Variants in GPR39 observed in about 807,000 individuals in gnomAD.
GPR39 encodes the protein G protein-coupled receptor 39.
A neutral mutation model predicts 18.4 loss-of-function variants in GPR39; 23 were observed. That is an observed-to-expected ratio of 1.25 (90% CI 0.90 to 1.77). GPR39 has a LOEUF of 1.77. Among genes scored for constraint, GPR39 ranks in the 40% most tolerant of loss-of-function variants. The pLI is 0.00. For synonymous variants in GPR39, 280 were observed against 257.9 expected, an observed-to-expected ratio of 1.09 and a Z score of -0.82; for missense variants, 647 against 602.4, an observed-to-expected ratio of 1.07 and a Z score of -0.78.
intron 1 of GPR39, among the ~76,000 whole-genome samples, chr2:132,529,599 C>T (rs2104774169): frequency 6.6e-6 from 1 of 152,334 alleles, no homozygotes; most frequent in Non-Finnish European, 1.5e-5. Flanking sequence ...TGGGAGGCAT[C>T]CCCCAGTAGG....
At chr2:132,455,587 C>T (rs529149138) in intron 1 of GPR39, among the ~76,000 whole-genome samples, 95 of 152,084 alleles carry the variant, frequency 6.2e-4, no homozygotes, top group African/African-American at 2.2e-3. Context: ...TGTCAATTTT[C>T]GATCTTTCCT....
At chr2:132,559,326 C>T (rs1680206730) in intron 1 of GPR39, among the ~76,000 whole-genome samples, 1 of 152,076 alleles carries the variant, frequency 6.6e-6, no homozygotes, top group African/African-American at 2.4e-5. Flanking sequence ...TGGGGGGTAA[C>T]ATCAGGCACA....
chr2:132,601,657 T>C (rs1304969549), intron 1 of GPR39, among the ~76,000 whole-genome samples: 1 of 152,000 alleles, frequency 6.6e-6, no homozygotes, highest in East Asian at 1.9e-4. Flanking sequence ...GACAACATGG[T>C]CTTACATATA....
intron 1 of GPR39, among the ~76,000 whole-genome samples, chr2:132,622,448 A>G (rs999382627): frequency 3.3e-5 from 5 of 152,216 alleles, no homozygotes; most frequent in South Asian, 4.1e-4. Flanking sequence ...TTCTGAGCCA[A>G]TATGAGTGAC....
At chr2:132,431,865 G>C (rs776816143) in intron 1 of GPR39, among the ~76,000 whole-genome samples, 1 of 152,200 alleles carries the variant, frequency 6.6e-6, no homozygotes, top group Non-Finnish European at 1.5e-5. Context: ...TAAAACAGTA[G>C]ACATTTATTT....
At chr2:132,552,885 T>TAC (rs58723354) in intron 1 of GPR39, among the ~76,000 whole-genome samples, 1,582 of 101,382 alleles carry the variant, frequency 0.016, 35 homozygotes, top group African/African-American at 0.069. Flanking sequence ...CATATATATA[T>TAC]ACACACATAT....
intron 1 of GPR39, among the ~76,000 whole-genome samples, chr2:132,541,777 G>A (rs1679866167): frequency 6.6e-6 from 1 of 152,214 alleles, no homozygotes; most frequent in Non-Finnish European, 1.5e-5. Context: ...CAGCAAAGTA[G>A]AGATCATAGT....
intron 1 of GPR39, among the ~76,000 whole-genome samples, chr2:132,420,268 G>A (rs538057731): frequency 5.9e-5 from 9 of 152,302 alleles, no homozygotes; most frequent in African/African-American, 2.2e-4. Context: ...GGTTTTCAAA[G>A]CAGTTCTCGC....
chr2:132,559,107 T>C (rs887134717), intron 1 of GPR39, among the ~76,000 whole-genome samples: 2 of 152,194 alleles, frequency 1.3e-5, no homozygotes, highest in Non-Finnish European at 2.9e-5. Context: ...CGGAATCAAA[T>C]AGAGAGGGTT....
Position 132,417,834 on chromosome 2 carries a change from G to A in GPR39, c.792G>A (p.Pro264=). 1 of 1,613,262 alleles carries A rather than the reference G, an allele frequency of 6.2e-7. No individual in the cohort carries two copies. The highest frequency in any genetic ancestry group is 1.1e-5 in the South Asian group (1 of 91,080). The change falls in exon 1 of 2, where the codon CCG becomes CCA. Residue 264 remains proline, a synonymous_variant. Coordinates refer to ENST00000329321, the MANE Select transcript of GPR39 (RefSeq NM_001508.3). ...CGCTGGCCGGGGGCACGCGGCCTCC[G>A]CAGCTGAGGAAGTCCGAGAGCGAAG... is the stretch of plus-strand genomic sequence containing the variant. ...KGSLAGGTRP[P]QLRKSESEES...
At chr2:132,548,193 C>T (rs1241997724) in intron 1 of GPR39, among the ~76,000 whole-genome samples, 1 of 152,192 alleles carries the variant, frequency 6.6e-6, no homozygotes, top group Non-Finnish European at 1.5e-5. Flanking sequence ...CATCATGTCT[C>T]CTTTTCAGCT....
chr2:132,460,736 C>A (rs765568679), intron 1 of GPR39, among the ~76,000 whole-genome samples: 1 of 151,646 alleles, frequency 6.6e-6, no homozygotes, highest in Non-Finnish European at 1.5e-5. Context: ...TTTTTCCTTA[C>A]CTTTAACTTT....
chr2:132,434,771 C>G (rs184788600), intron 1 of GPR39, among the ~76,000 whole-genome samples: 2 of 152,138 alleles, frequency 1.3e-5, no homozygotes, highest in Non-Finnish European at 2.9e-5. Flanking sequence ...ATATGCATGA[C>G]TTCACAGGAT....
At position 132,645,514 on chromosome 2, in the gene GPR39, C is replaced by T; in HGVS notation, c.1270C>T (p.Gln424Ter). Residue 424 changes from glutamine (Q) to a stop codon, truncating the protein, a stop_gained, in exon 2 of 2, where the codon CAG (glutamine) becomes TAG (stop). Transcript: ENST00000329321. LOFTEE classifies it low-confidence loss of function (END_TRUNC). Reference sequence around the variant, plus strand: ...CGAGGCCGAGCCCCAGTCTAAGTCCCAGTCATTGAGTCTCGAGTCACTAGA... The same window carrying T: ...CGAGGCCGAGCCCCAGTCTAAGTCCTAGTCATTGAGTCTCGAGTCACTAGA... ...QSEAEPQSKS[Q>*]SLSLESLEPN... The T allele has an allele frequency of 1.9e-6, 3 of 1,613,954 alleles. No individual in the cohort carries two copies. Among genetic ancestry groups the T allele is most frequent in the African/African-American group, 1.3e-5 (1 of 74,892 alleles).
intron 1 of GPR39, among the ~76,000 whole-genome samples, chr2:132,606,466 A>AC (rs1211495379): frequency 6.6e-6 from 1 of 152,186 alleles, no homozygotes; most frequent in Non-Finnish European, 1.5e-5. Flanking sequence ...CACTGCCCAA[A>AC]CCCCAAGGGG....
chr2:132,576,125 A>C (rs1469260873), intron 1 of GPR39, among the ~76,000 whole-genome samples: 2 of 152,194 alleles, frequency 1.3e-5, no homozygotes. Flanking sequence ...ACAGACAATG[A>C]CTGTCTTTTG....
At chr2:132,419,667 C>G (rs1679972270) in intron 1 of GPR39, among the ~76,000 whole-genome samples, 1 of 152,162 alleles carries the variant, frequency 6.6e-6, no homozygotes, top group African/African-American at 2.4e-5. Flanking sequence ...CTCCCTTCCT[C>G]CATAAATATT....
At position 132,592,688 on chromosome 2, in the gene GPR39, G is replaced by A. The variant is rs116634601; in HGVS notation, c.857-52413G>A. Among the ~76,000 whole-genome samples the A allele has an allele frequency of 5.1e-3, 773 of 152,252 alleles. 4 individuals carry two copies. The highest frequency in any genetic ancestry group is 0.015 in the South Asian group (73 of 4,814). Reference sequence around the variant, plus strand: ...AAAGGAGGGTAATTAGAAAGCTAACGCAGTAATCCAAGGGAGAGACCTGTG... The same window carrying A: ...AAAGGAGGGTAATTAGAAAGCTAACACAGTAATCCAAGGGAGAGACCTGTG... On this transcript the variant is annotated intron_variant, in intron 1 of 1. Transcript: ENST00000329321.
chr2:132,585,108 TAGTA>T (rs1468609289), intron 1 of GPR39, among the ~76,000 whole-genome samples: 2 of 152,158 alleles, frequency 1.3e-5, no homozygotes, highest in Non-Finnish European at 2.9e-5. Context: ...GTATATTAAA[TAGTA>T]AGCCCCACAC....
Sources: allele counts gnomAD v4.1 joint callset (sites outside exome capture counted in the v4.1 genomes callset), GRCh38; gene constraint gnomAD v4.1.1; transcripts MANE v1.5; gene names NCBI Gene and HGNC (gene_info 2026-07-23, HGNC 2026-07-21).